OR11H4: variants seen among roughly 807,000 people sequenced by gnomAD.
OR11H4 encodes olfactory receptor family 11 subfamily H member 4.
For synonymous variants in OR11H4, 162 were observed against 142.3 expected (o/e 1.14, Z -0.98); for missense variants, 460 against 371.1 (o/e 1.24, Z -1.97).
Position 20,242,792 on chromosome 14 carries a change from A to T in OR11H4, c.-11-19A>T. The T allele has an allele frequency of 3.0e-5, 49 of 1,609,786 alleles. No individual in the cohort carries two copies. The highest frequency in any genetic ancestry group is 4.2e-5 in the Non-Finnish European group (49 of 1,177,666). ...ACTCCAAGAGACTTGGATTACACTC[A>T]TGTCTTTCTTCTTTGTAGACTTAAG... On this transcript the variant is annotated intron_variant, in intron 1 of 1. Transcript: ENST00000641082.
Position 20,243,280 on chromosome 14 carries a change from C to T in OR11H4, c.459C>T (p.Phe153=). 1.9e-6 allele frequency: 3 copies of T among 1,614,088 alleles called. No individual in the cohort carries two copies. The highest frequency in any genetic ancestry group is 1.1e-5 in the South Asian group (1 of 91,080). The change falls in exon 2 of 2, where the codon TTC becomes TTT. Residue 153 remains phenylalanine (F), a synonymous_variant. Coordinates refer to ENST00000641082, the MANE Select transcript of OR11H4 (RefSeq NM_001004479.2). The part of the protein sequence containing the change: ...KLVSFCWLIG[F]LGYPIPIFYI... ...TGTCTTTCTGTTGGCTTATTGGATTCCTTGGATACCCAATTCCCATTTTCT... is the reference window on the plus strand; with the variant it reads ...TGTCTTTCTGTTGGCTTATTGGATTTCTTGGATACCCAATTCCCATTTTCT...
chr14:20,240,751 A>G (rs560924752), intron 1 of OR11H4, among the ~76,000 whole-genome samples: 2 of 151,724 alleles, frequency 1.3e-5, no homozygotes, highest in East Asian at 1.9e-4. Flanking sequence ...TAATTTTTGT[A>G]TTTTTAGCAG....
chr14:20,243,878 A>G lies in OR11H4; in HGVS notation c.*112A>G. ...TGAGTAGTTAGAGGTTGTATATTTTACCTGGAAGTGTGCCCAGCTTAAATA... is the reference window on the plus strand; with the variant it reads ...TGAGTAGTTAGAGGTTGTATATTTTGCCTGGAAGTGTGCCCAGCTTAAATA... On this transcript the variant is annotated 3_prime_UTR_variant, in exon 2 of 2. Coordinates refer to ENST00000641082, the MANE Select transcript of OR11H4 (RefSeq NM_001004479.2). 9.2e-7 allele frequency: 1 copy of G among 1,081,344 alleles called. No homozygotes were observed. The highest frequency in any genetic ancestry group is 1.3e-6 in the Non-Finnish European group (1 of 776,596). The allele number at this position is 1,081,344 out of a possible 1,614,324, so 67.0% of individuals were successfully genotyped here. A position where few individuals can be genotyped will look rare whatever the true frequency, so the allele number is the denominator to read the frequency against.
rs1251158736 is a variant in OR11H4, at chr14:20,242,940, T to A, written c.119T>A (p.Leu40Gln). ...TTGGTGATTTATGTCTTGACCTTGCTGGGAAATGGAGCCATCATCTATGCA... is the reference window on the plus strand; with the variant it reads ...TTGGTGATTTATGTCTTGACCTTGCAGGGAAATGGAGCCATCATCTATGCA... ...LFLVIYVLTL[L>Q]GNGAIIYAVR... Residue 40 changes from leucine to glutamine, a missense_variant, in exon 2 of 2, where the codon CTG (leucine) becomes CAG (glutamine). By Grantham distance (113) the Leu-to-Gln change is moderately radical. Coordinates refer to ENST00000641082, the MANE Select transcript of OR11H4 (RefSeq NM_001004479.2). The A allele has an allele frequency of 6.2e-7, 1 of 1,614,188 alleles. No individual in the cohort carries two copies. Among genetic ancestry groups the A allele is most frequent in the South Asian group, 1.1e-5 (1 of 91,082 alleles).
intron 1 of OR11H4, among the ~76,000 whole-genome samples, chr14:20,242,057 G>C (rs528863622): frequency 5.3e-5 from 8 of 151,760 alleles, no homozygotes; most frequent in East Asian, 2.0e-4. Flanking sequence ...CCAGGGGCAA[G>C]CAGGAGACAG....
chr14:20,244,347 C>G lies in OR11H4; in HGVS notation c.*581C>G, dbSNP rs1345842002. ...CATCTAAATCCCTCTGTCTGGCACT[C>G]GACACCCTTCGTAATACATCCCCAC... On this transcript the variant is annotated 3_prime_UTR_variant, in exon 2 of 2. Transcript: ENST00000641082. 1 of 152,226 alleles carries G rather than the reference C, an allele frequency of 6.6e-6. No homozygotes were observed. The highest frequency in any genetic ancestry group is 1.5e-5 in the Non-Finnish European group (1 of 68,070). 9.4% of individuals were successfully genotyped at this position (152,226 alleles called of 1,614,324 possible). A position where few individuals can be genotyped will look rare whatever the true frequency, so the allele number is the denominator to read the frequency against.
intron 1 of OR11H4, among the ~76,000 whole-genome samples, chr14:20,241,842 T>C (rs1256816279): frequency 1.3e-5 from 2 of 152,064 alleles, no homozygotes; most frequent in South Asian, 2.1e-4. Flanking sequence ...ATCTATGTCA[T>C]AATTAAGTTC....
intron 1 of OR11H4, among the ~76,000 whole-genome samples, chr14:20,241,811 A>C (rs10782465): frequency 0.71 from 108,113 of 151,546 alleles, 38,878 homozygotes; most frequent in African/African-American, 0.79. Flanking sequence ...GAAGGTCAGC[A>C]AAAAACATGT....
At chr14:20,240,644 C>G (rs1880894791) in intron 1 of OR11H4, among the ~76,000 whole-genome samples, 1 of 144,010 alleles carries the variant, frequency 6.9e-6, no homozygotes, top group African/African-American at 2.6e-5. Context: ...ATGGTGTGAT[C>G]TCGGCTCACT....
At position 20,243,718 on chromosome 14, in the gene OR11H4, C is replaced by T. The variant is rs546964551; in HGVS notation, c.897C>T (p.Leu299=). The change falls in exon 2 of 2, where the codon CTC becomes CTT. Residue 299 remains leucine (L), a synonymous_variant. Transcript: ENST00000641082. ...CTCTTCGTAATAAGGACATGAAACTCGCTCTGAGAAATGTCCTGTTTGGAA... is the reference window on the plus strand; with the variant it reads ...CTCTTCGTAATAAGGACATGAAACTTGCTCTGAGAAATGTCCTGTTTGGAA... ...IYTLRNKDMK[L]ALRNVLFGMR... The T allele has an allele frequency of 4.6e-5, 73 of 1,600,270 alleles. 1 individual carries two copies. In the South Asian group the frequency reaches 6.7e-4, roughly 15 times the overall value.
At chr14:20,242,497 C>G (rs1186838272) in intron 1 of OR11H4, among the ~76,000 whole-genome samples, 2 of 152,148 alleles carry the variant, frequency 1.3e-5, no homozygotes, top group African/African-American at 4.8e-5. Context: ...GTTTAAAGTA[C>G]AGGTCTTTTT....
chr14:20,242,429 G>C (rs1014534175), intron 1 of OR11H4, among the ~76,000 whole-genome samples: 3 of 152,088 alleles, frequency 2.0e-5, no homozygotes, highest in Non-Finnish European at 4.4e-5. Flanking sequence ...TTGGGTCAAA[G>C]TGGCTGGGGC....
At chr14:20,242,127 A>C (rs1323848385) in intron 1 of OR11H4, among the ~76,000 whole-genome samples, 1 of 152,032 alleles carries the variant, frequency 6.6e-6, no homozygotes, top group Non-Finnish European at 1.5e-5. Context: ...ACGTCAGCAC[A>C]GACCCTTTAC....
At chr14:20,240,831 C>A (rs1327760964) in intron 1 of OR11H4, among the ~76,000 whole-genome samples, 1 of 151,982 alleles carries the variant, frequency 6.6e-6, no homozygotes, top group African/African-American at 2.4e-5. Context: ...CCACTTTGGC[C>A]TCTCAAATTG....
At position 20,243,231 on chromosome 14, in the gene OR11H4, C is replaced by G; in HGVS notation, c.410C>G (p.Thr137Ser). The G allele has an allele frequency of 1.2e-6, 2 of 1,614,156 alleles. No homozygotes were observed. Among genetic ancestry groups the G allele is most frequent in the Non-Finnish European group, 1.7e-6 (2 of 1,180,014 alleles). ...CCACTGCAGTACCCTGCCATCATGA[C>G]TGTAAGGTTCTGTGGTAAGCTGGTG... ...CHPLQYPAIMTVRFCGKLVSF... is the reference protein window; with the variant it reads ...CHPLQYPAIMSVRFCGKLVSF... Residue 137 changes from threonine to serine, a missense_variant, in exon 2 of 2, where the codon ACT (threonine) becomes AGT (serine). Physicochemically the swap from Thr to Ser is moderately conservative, Grantham distance 58. Transcript: ENST00000641082.
intron 1 of OR11H4, 155 bp from the exon 2 acceptor site, chr14:20,242,656 T>G: frequency 1.3e-6 from 1 of 773,956 alleles, no homozygotes; most frequent in South Asian, 1.9e-5. Flanking sequence ...AATTCAAAAT[T>G]TGGTAGGACA....
intron 1 of OR11H4, among the ~76,000 whole-genome samples, chr14:20,241,705 G>A (rs995490548): frequency 2.9e-4 from 44 of 152,236 alleles, no homozygotes; most frequent in African/African-American, 6.0e-4. Flanking sequence ...GACCTGCACC[G>A]GCACCGGCCT....
At chr14:20,242,636 A>T (rs757141304) in intron 1 of OR11H4, 175 bp from the exon 2 acceptor site, 28 of 667,690 alleles carry the variant, frequency 4.2e-5, no homozygotes, top group Non-Finnish European at 5.8e-5. Context: ...TAACACAGAG[A>T]ACCACAATCA....
intron 1 of OR11H4, among the ~76,000 whole-genome samples, chr14:20,241,950 C>A (rs1467564595): frequency 6.6e-6 from 1 of 152,090 alleles, no homozygotes; most frequent in Non-Finnish European, 1.5e-5. Context: ...GGCAGCATTA[C>A]TGCCAACATG....
Sources: gnomAD v4.1 joint callset for allele counts (sites outside exome capture counted in the v4.1 genomes callset) on GRCh38, gnomAD v4.1.1 for gene constraint, MANE v1.5 for transcripts, NCBI Gene and HGNC (gene_info 2026-07-23, HGNC 2026-07-21) for gene names.